PICALM: variants seen among roughly 807,000 people sequenced by gnomAD.
PICALM encodes the protein phosphatidylinositol-binding clathrin assembly protein.
In PICALM, 40 loss-of-function variants were observed where a neutral mutation model predicts 80.5. That is an observed-to-expected ratio of 0.50 (90% CI 0.39 to 0.65). PICALM has a LOEUF of 0.65. Among genes scored for constraint, PICALM ranks in the 30% least tolerant of loss-of-function variants. The pLI is 0.00. For missense variants in PICALM, 676 were observed against 778.9 expected (o/e 0.87, Z 1.57); for synonymous variants, 288 against 260.3 (o/e 1.11, Z -1.02).
intron 2 of PICALM, among the ~76,000 whole-genome samples, chr11:86,029,519 T>G (rs2136710134): frequency 6.6e-6 from 1 of 152,336 alleles, no homozygotes; most frequent in East Asian, 1.9e-4. Flanking sequence ...ACTAAAATGC[T>G]ATCTTTCTCC....
chr11:85,965,168 C>A (rs955174965), intron 19 of PICALM, among the ~76,000 whole-genome samples: 11 of 151,978 alleles, frequency 7.2e-5, no homozygotes, highest in African/African-American at 2.7e-4. Context: ...GTGGGTTCGC[C>A]CCCTTTTGTT....
intron 19 of PICALM, among the ~76,000 whole-genome samples, chr11:85,972,353 C>T (rs966810487): frequency 1.3e-5 from 2 of 152,118 alleles, no homozygotes; most frequent in Non-Finnish European, 2.9e-5. Context: ...GTACCACTAG[C>T]AGAGAGACTG....
intron 1 of PICALM, among the ~76,000 whole-genome samples, chr11:86,064,898 A>AC (rs907631860): frequency 8.6e-5 from 13 of 151,594 alleles, no homozygotes; most frequent in Non-Finnish European, 1.9e-4. Flanking sequence ...ACATAGGGAG[A>AC]CCCCCATCTC....
chr11:86,001,249 A>G (rs1201216273), intron 9 of PICALM, 91 bp from the exon 10 acceptor site: 17 of 1,152,722 alleles, frequency 1.5e-5, no homozygotes, highest in Non-Finnish European at 2.0e-5. Context: ...CTTGCCATGG[A>G]TAGGCACTAT....
chr11:86,064,844 C>A (rs2096420693), intron 1 of PICALM, among the ~76,000 whole-genome samples: 2 of 150,804 alleles, frequency 1.3e-5, no homozygotes, highest in African/African-American at 4.9e-5. Flanking sequence ...GAGGCTGAGG[C>A]AAGAGGATTA....
chr11:86,042,040 C>T (rs2095979993), intron 1 of PICALM, among the ~76,000 whole-genome samples: 1 of 152,118 alleles, frequency 6.6e-6, no homozygotes, highest in African/African-American at 2.4e-5. Flanking sequence ...TAGAGCTTTC[C>T]GTTGGCATTC....
At chr11:85,985,136 G>T in intron 13 of PICALM, among the ~76,000 whole-genome samples, 1 of 152,098 alleles carries the variant, frequency 6.6e-6, no homozygotes, top group African/African-American at 2.4e-5. Flanking sequence ...CTAAATTTAG[G>T]ATCCCTTTCT....
At chr11:85,984,542 C>T (rs577644687) in intron 13 of PICALM, among the ~76,000 whole-genome samples, 16 of 152,230 alleles carry the variant, frequency 1.1e-4, no homozygotes, top group South Asian at 4.1e-4. Flanking sequence ...CACCTGTATC[C>T]ATATGCTTTT....
At chr11:86,033,237 C>T (rs1008947809) in intron 1 of PICALM, among the ~76,000 whole-genome samples, 1 of 151,996 alleles carries the variant, frequency 6.6e-6, no homozygotes, top group Admixed American at 6.6e-5. Flanking sequence ...CAAACACACA[C>T]ACAATTTAAT....
intron 19 of PICALM, among the ~76,000 whole-genome samples, chr11:85,973,225 C>T (rs2094165881): frequency 6.6e-6 from 1 of 152,156 alleles, no homozygotes; most frequent in African/African-American, 2.4e-5. Context: ...AAATTCACTA[C>T]CCACTCTCAG....
At chr11:86,044,930 T>C (rs544166329) in intron 1 of PICALM, among the ~76,000 whole-genome samples, 1 of 152,208 alleles carries the variant, frequency 6.6e-6, no homozygotes, top group Non-Finnish European at 1.5e-5. Context: ...CTGTCTTCCA[T>C]GAAACCACTC....
Position 86,011,098 on chromosome 11 carries a change from CT to C in PICALM, c.696del (p.Gly233ValfsTer9). 1 of 1,525,964 alleles carries C rather than the reference CT, an allele frequency of 6.6e-7. No individual in the cohort carries two copies. The highest frequency in any genetic ancestry group is 9.0e-7 in the Non-Finnish European group (1 of 1,112,648). 94.5% of individuals were successfully genotyped at this position (1,525,964 alleles called of 1,614,324 possible). A position where few individuals can be genotyped will look rare whatever the true frequency, so the allele number is the denominator to read the frequency against. The part of the protein sequence containing the change: ...YFDMKKNQCK[E>X]GLDIYKKFLT... ...AGGAACTTCTTATAGATGTCAAGAC[CT>C]TCTTTGCATTGGTTCTTTTTCATAT... On this transcript the variant is annotated frameshift_variant, in exon 7 of 20. Coordinates refer to ENST00000393346, the MANE Select transcript of PICALM (RefSeq NM_007166.4). LOFTEE classifies it high-confidence loss of function.
intron 13 of PICALM, 52 bp downstream of exon 13, chr11:85,990,198 T>C (rs1008589749): frequency 1.1e-5 from 11 of 1,015,432 alleles, no homozygotes; most frequent in South Asian, 1.8e-5. Context: ...ACGTAAAATA[T>C]AGTTAGGCAG....
At chr11:85,974,427 G>C (rs1336357656) in intron 19 of PICALM, 1 of 560,094 alleles carries the variant, frequency 1.8e-6, no homozygotes, top group Non-Finnish European at 3.5e-6. Flanking sequence ...ATCACGAAGA[G>C]CAAGTAGGCT....
At chr11:86,020,673 T>A (rs1417873149) in intron 4 of PICALM, among the ~76,000 whole-genome samples, 2 of 152,160 alleles carry the variant, frequency 1.3e-5, no homozygotes, top group Non-Finnish European at 1.5e-5. Context: ...GATAACTCAA[T>A]ATCCACATAC....
At chr11:86,023,430 G>A (rs2095599533) in intron 3 of PICALM, 2 of 983,798 alleles carry the variant, frequency 2.0e-6, no homozygotes, top group Non-Finnish European at 2.4e-6. Flanking sequence ...TACTGTACAC[G>A]TCAGGTGTTA....
intron 12 of PICALM, among the ~76,000 whole-genome samples, chr11:85,995,072 A>T (rs2094916029): frequency 6.6e-6 from 1 of 152,104 alleles, no homozygotes; most frequent in Non-Finnish European, 1.5e-5. Flanking sequence ...TTAAAAATTA[A>T]AAAAAATATA....
At chr11:86,060,735 C>CAAA (rs61642872) in intron 1 of PICALM, among the ~76,000 whole-genome samples, 1 of 132,904 alleles carries the variant, frequency 7.5e-6, no homozygotes. Context: ...TATCCACAGG[C>CAAA]AAAAAAAAAA....
chr11:85,980,175 C>T (rs2094399368), intron 17 of PICALM, among the ~76,000 whole-genome samples: 1 of 152,162 alleles, frequency 6.6e-6, no homozygotes, highest in Non-Finnish European at 1.5e-5. Context: ...CAATACAGTT[C>T]ACCTCCAGCT....
Sources: allele counts gnomAD v4.1 joint callset (sites outside exome capture counted in the v4.1 genomes callset), GRCh38; gene constraint gnomAD v4.1.1; transcripts MANE v1.5; gene names NCBI Gene and HGNC (gene_info 2026-07-23, HGNC 2026-07-21).